The following ELOVL6 variants were observed in gnomAD, a reference collection of about 807,000 sequenced individuals.
ELOVL6 encodes the protein ELOVL fatty acid elongase 6, also known as very long chain fatty acid elongase 6.
A neutral mutation model predicts 31.7 loss-of-function variants in ELOVL6; 8 were observed. That is an observed-to-expected ratio of 0.25 (90% confidence interval 0.15 to 0.45). The LOEUF is 0.45. Among genes scored for constraint, ELOVL6 ranks in the 20% least tolerant of loss-of-function variants. The pLI, the probability that ELOVL6 is intolerant of heterozygous loss-of-function variation, is 1.00. For missense variants in ELOVL6, 126 were observed against 326.4 expected, an observed-to-expected ratio of 0.39 and a Z score of 4.73; for synonymous variants, 101 against 117.7, an observed-to-expected ratio of 0.86 and a Z score of 0.92.
intron 2 of ELOVL6, among the ~76,000 whole-genome samples, chr4:110,083,120 T>C (rs1755930138): frequency 6.6e-6 from 1 of 151,788 alleles, no homozygotes; most frequent in Non-Finnish European, 1.5e-5. Flanking sequence ...TACTAGGTTC[T>C]TCATATCAAG....
intron 2 of ELOVL6, among the ~76,000 whole-genome samples, chr4:110,064,035 G>A (rs71603054): frequency 4.1e-5 from 6 of 145,810 alleles, no homozygotes; most frequent in Admixed American, 2.1e-4. Context: ...CTGAGATCGC[G>A]CCATTGCACT....
At chr4:110,066,856 A>T (rs1378223855) in intron 2 of ELOVL6, among the ~76,000 whole-genome samples, 1 of 152,002 alleles carries the variant, frequency 6.6e-6, no homozygotes, top group Admixed American at 6.6e-5. Flanking sequence ...CCATCAACGC[A>T]TCATCTAGGT....
At chr4:110,130,657 A>T (rs1757641289) in intron 1 of ELOVL6, among the ~76,000 whole-genome samples, 1 of 152,216 alleles carries the variant, frequency 6.6e-6, no homozygotes, top group African/African-American at 2.4e-5. Flanking sequence ...GCAGTATTAA[A>T]CCAAAGTGTC....
chr4:110,118,913 T>C (rs1757264359), intron 1 of ELOVL6, among the ~76,000 whole-genome samples: 1 of 152,010 alleles, frequency 6.6e-6, no homozygotes, highest in East Asian at 1.9e-4. Flanking sequence ...CAGTAAAAAT[T>C]AGCCACGCAT....
intron 1 of ELOVL6, among the ~76,000 whole-genome samples, chr4:110,149,216 T>C (rs566343131): frequency 6.6e-6 from 1 of 152,276 alleles, no homozygotes; most frequent in South Asian, 2.1e-4. Flanking sequence ...TATGGAAAAC[T>C]ATGGAGATTT....
At chr4:110,065,491 G>A (rs1755274333) in intron 2 of ELOVL6, among the ~76,000 whole-genome samples, 1 of 152,142 alleles carries the variant, frequency 6.6e-6, no homozygotes, top group South Asian at 2.1e-4. Context: ...GGGCAAAGTG[G>A]TGCACACCTG....
At chr4:110,151,725 T>C (rs935444848) in intron 1 of ELOVL6, among the ~76,000 whole-genome samples, 1 of 152,232 alleles carries the variant, frequency 6.6e-6, no homozygotes, top group Non-Finnish European at 1.5e-5. Context: ...AAATAAGAGA[T>C]GGACTTTTGA....
chr4:110,084,408 G>C (rs145137822), intron 2 of ELOVL6, among the ~76,000 whole-genome samples: 10,995 of 26,698 alleles, frequency 0.41, 1,483 homozygotes, highest in East Asian at 0.58. Context: ...TATGATATAT[G>C]ACATACATGA....
chr4:110,094,445 T>TATATATATATATATATAAA (rs1756519913), intron 2 of ELOVL6, among the ~76,000 whole-genome samples: 3 of 47,380 alleles, frequency 6.3e-5, no homozygotes, highest in South Asian at 9.0e-4. Context: ...ATATATATAA[T>TATATATATATATATATAAA]ATATATAACA....
intron 2 of ELOVL6, among the ~76,000 whole-genome samples, chr4:110,087,605 C>G (rs1756303916): frequency 6.6e-6 from 1 of 152,136 alleles, no homozygotes; most frequent in African/African-American, 2.4e-5. Context: ...TGACACCACT[C>G]CTCATTCTGC....
chr4:110,094,067 T>G (rs572263370), intron 2 of ELOVL6, among the ~76,000 whole-genome samples: 1 of 151,168 alleles, frequency 6.6e-6, no homozygotes, highest in Non-Finnish European at 1.5e-5. Context: ...CTGGCCGACA[T>G]GGCAAAAGCC....
chr4:110,101,838 C>T (rs952226394), intron 2 of ELOVL6, among the ~76,000 whole-genome samples: 2 of 152,110 alleles, frequency 1.3e-5, no homozygotes, highest in African/African-American at 2.4e-5. Context: ...CCATGCCTGG[C>T]TAATTTTTGT....
chr4:110,165,153 A>G (rs1015189789), intron 1 of ELOVL6, among the ~76,000 whole-genome samples: 18 of 152,212 alleles, frequency 1.2e-4, no homozygotes, highest in Admixed American at 8.5e-4. Context: ...GACTAGCTGG[A>G]CTAGCAAAAC....
At chr4:110,075,318 A>C (rs762755207) in intron 2 of ELOVL6, among the ~76,000 whole-genome samples, 1 of 152,244 alleles carries the variant, frequency 6.6e-6, no homozygotes, top group Non-Finnish European at 1.5e-5. Flanking sequence ...TTGTACACAC[A>C]TGCTCAAAAC....
intron 2 of ELOVL6, chr4:110,093,175 C>A: frequency 2.3e-6 from 1 of 434,362 alleles, no homozygotes; most frequent in South Asian, 1.7e-5. Flanking sequence ...TTTTTGTCCA[C>A]ACTCAAATGT....
rs909597354 is a variant in ELOVL6 at position 110,096,760 on chromosome 4, C to T, written c.221+8737G>A. On this transcript the variant is annotated intron_variant, in intron 2 of 3. Transcript: ENST00000302274. ...CATGTGCAGGTACAGAAAGAATTTT[C>T]TTTATCCTGTAGCTGCAATTTGTTA... Among the ~76,000 whole-genome samples, 40 of 152,230 alleles carry T rather than the reference C, an allele frequency of 2.6e-4. 1 individual carries two copies. The highest frequency in any genetic ancestry group is 4.4e-5 in the Non-Finnish European group (3 of 67,998).
At chr4:110,107,304 C>A (rs985425976) in intron 1 of ELOVL6, among the ~76,000 whole-genome samples, 3 of 152,118 alleles carry the variant, frequency 2.0e-5, no homozygotes, top group Non-Finnish European at 4.4e-5. Context: ...TCTCTTGGGC[C>A]CACAAGACCT....
upstream of ELOVL6, chr4:110,198,933 G>A (rs1759908347): frequency 6.6e-6 from 1 of 152,348 alleles, no homozygotes. Flanking sequence ...TAAACGATTG[G>A]GAAATAGTAA....
At chr4:110,145,722 A>G (rs1365511124) in intron 1 of ELOVL6, among the ~76,000 whole-genome samples, 4 of 152,072 alleles carry the variant, frequency 2.6e-5, no homozygotes, top group African/African-American at 9.7e-5. Context: ...CAAAACAAAG[A>G]AACCACCGAT....
Sources: allele counts gnomAD v4.1 joint callset (sites outside exome capture counted in the v4.1 genomes callset), GRCh38; gene constraint gnomAD v4.1.1; transcripts MANE v1.5; gene names NCBI Gene and HGNC (gene_info 2026-07-23, HGNC 2026-07-21).